The following SAMD3 variants were observed in gnomAD, a reference collection of about 807,000 sequenced individuals.
SAMD3 encodes sterile alpha motif domain containing 3.
SAMD3 carries 63 observed loss-of-function variants against 58.5 expected under a neutral mutation model. The observed-to-expected ratio is 1.08, with a 90% CI of 0.88 to 1.33. The LOEUF (loss-of-function observed/expected upper bound fraction) is 1.33, where lower values mean the gene tolerates loss of function less well. SAMD3 is among the 40% of genes most tolerant of loss of function. The pLI, the probability that SAMD3 is intolerant of heterozygous loss-of-function variation, is 0.00. For synonymous variants in SAMD3, 220 were observed against 210.3 expected, an observed-to-expected ratio of 1.05 and a Z score of -0.40; for missense variants, 604 against 608.4, an observed-to-expected ratio of 0.99 and a Z score of 0.08.
intron 5 of SAMD3, among the ~76,000 whole-genome samples, chr6:130,185,707 T>C (rs911263383): frequency 6.6e-6 from 1 of 150,952 alleles, no homozygotes; most frequent in African/African-American, 2.4e-5. Context: ...CACAGCTCAC[T>C]GCAGCCTTGA....
intron 5 of SAMD3, among the ~76,000 whole-genome samples, chr6:130,197,317 TGC>T (rs762204625): frequency 6.6e-6 from 1 of 152,238 alleles, no homozygotes; most frequent in African/African-American, 2.4e-5. Flanking sequence ...TACTCATACA[TGC>T]CCTGCTCTTG....
intron 1 of SAMD3, among the ~76,000 whole-genome samples, chr6:130,219,996 A>C (rs973763707): frequency 7.2e-5 from 11 of 152,098 alleles, no homozygotes; most frequent in African/African-American, 2.7e-4. Flanking sequence ...ATATGTTTAC[A>C]TTTTTTTCTT....
chr6:130,324,349 C>T (rs1776685187), intron 1 of SAMD3, among the ~76,000 whole-genome samples: 1 of 152,128 alleles, frequency 6.6e-6, no homozygotes, highest in Non-Finnish European at 1.5e-5. Context: ...TGGCAAAAGC[C>T]ATACATATGA....
chr6:130,357,118 C>CTTTTTTTTTTTTTTTTTTTTTTTTTTTT (rs1169066063), intron 1 of SAMD3, among the ~76,000 whole-genome samples: 1 of 91,712 alleles, frequency 1.1e-5, no homozygotes, highest in African/African-American at 4.5e-5. Flanking sequence ...GCCATGGCAT[C>CTTTTTTTTTTTTTTTTTTTTTTTTTTTT]TTTTTTTTTT....
chr6:130,265,698 T>C (rs987539218), intron 2 of SAMD3, among the ~76,000 whole-genome samples: 2 of 152,114 alleles, frequency 1.3e-5, no homozygotes, highest in Non-Finnish European at 1.5e-5. Context: ...GACCACAGTT[T>C]TTAAAATAAG....
intron 2 of SAMD3, among the ~76,000 whole-genome samples, chr6:130,288,622 A>G (rs1172800464): frequency 6.6e-6 from 1 of 152,204 alleles, no homozygotes; most frequent in Non-Finnish European, 1.5e-5. Flanking sequence ...CCACCAATGT[A>G]AAAGGAGAAA....
intron 6 of SAMD3, 97 bp from the exon 7 acceptor site, chr6:130,184,284 T>C: frequency 8.2e-7 from 1 of 1,217,928 alleles, no homozygotes; most frequent in Non-Finnish European, 1.2e-6. Flanking sequence ...TTCACATTTT[T>C]CTATATAACA....
At chr6:130,340,260 C>T (rs1777228577) in intron 1 of SAMD3, among the ~76,000 whole-genome samples, 2 of 152,188 alleles carry the variant, frequency 1.3e-5, no homozygotes, top group South Asian at 2.1e-4. Flanking sequence ...ATCCACAGGG[C>T]TAGTTCCTTC....
At chr6:130,220,094 C>G (rs57603676) in intron 1 of SAMD3, among the ~76,000 whole-genome samples, 1 of 152,144 alleles carries the variant, frequency 6.6e-6, no homozygotes, top group Non-Finnish European at 1.5e-5. Context: ...CTCCACCTCC[C>G]GGATTCAAGC....
intron 8 of SAMD3, among the ~76,000 whole-genome samples, chr6:130,158,150 A>G (rs972469251): frequency 2.2e-4 from 34 of 152,230 alleles, no homozygotes; most frequent in Non-Finnish European, 2.9e-5. Flanking sequence ...TGCTGATTCA[A>G]TATTTCTGTC....
At chr6:130,307,791 G>A (rs561916951) in intron 2 of SAMD3, among the ~76,000 whole-genome samples, 99 of 152,304 alleles carry the variant, frequency 6.5e-4, no homozygotes, top group African/African-American at 2.4e-3. Context: ...TATAATCAAT[G>A]TTTTTGTATA....
Position 130,180,104 on chromosome 6 carries a change from C to T in SAMD3, c.654+3999G>A, listed in dbSNP as rs138976370. Among the ~76,000 whole-genome samples, 423 of 151,488 alleles carry T rather than the reference C, an allele frequency of 2.8e-3. 7 individuals are homozygous for T. Among genetic ancestry groups the T allele is most frequent in the African/African-American group, 9.7e-3 (400 of 41,268 alleles). On this transcript the variant is annotated intron_variant, in intron 7 of 11. Transcript: ENST00000439090. ...TGCTAGGATTACAGGCGTGAACCACCGTACACGACCTTTTTTTTTATTATT... is the reference window on the plus strand; with the variant it reads ...TGCTAGGATTACAGGCGTGAACCACTGTACACGACCTTTTTTTTTATTATT...
chr6:130,157,991 G>T (rs1193145265), intron 8 of SAMD3, among the ~76,000 whole-genome samples: 1 of 150,906 alleles, frequency 6.6e-6, no homozygotes, highest in African/African-American at 2.4e-5. Flanking sequence ...AAGATACCTA[G>T]GAATAAAACT....
chr6:130,243,146 A>AC (rs1773423873), intron 2 of SAMD3, among the ~76,000 whole-genome samples: 1 of 152,194 alleles, frequency 6.6e-6, no homozygotes, highest in Non-Finnish European at 1.5e-5. Context: ...ACATGACCCA[A>AC]CGGGGACAAG....
intron 4 of SAMD3, among the ~76,000 whole-genome samples, chr6:130,210,750 C>T (rs981243255): frequency 6.6e-6 from 1 of 152,236 alleles, no homozygotes; most frequent in East Asian, 1.9e-4. Context: ...GAACATGCCT[C>T]ATTATACCCT....
chr6:130,269,155 T>G (rs140684735), intron 2 of SAMD3, among the ~76,000 whole-genome samples: 27 of 152,254 alleles, frequency 1.8e-4, no homozygotes, highest in Admixed American at 5.9e-4. Flanking sequence ...TAGGTTGAGG[T>G]TCTTTTATTT....
chr6:130,340,696 C>A (rs1777242304), intron 1 of SAMD3, among the ~76,000 whole-genome samples: 1 of 152,088 alleles, frequency 6.6e-6, no homozygotes, highest in South Asian at 2.1e-4. Context: ...ACAAAAATTC[C>A]TTGGAAACTC....
intron 1 of SAMD3, among the ~76,000 whole-genome samples, chr6:130,343,051 T>C (rs918646484): frequency 2.6e-5 from 4 of 152,016 alleles, no homozygotes; most frequent in Non-Finnish European, 4.4e-5. Flanking sequence ...TAATCACTTC[T>C]AGAATTACTG....
At chr6:130,314,686 G>A (rs998010143) in intron 1 of SAMD3, among the ~76,000 whole-genome samples, 2 of 152,124 alleles carry the variant, frequency 1.3e-5, no homozygotes, top group Admixed American at 6.5e-5. Flanking sequence ...AATGATAGGT[G>A]GAAATTCTTC....
Sources: allele counts gnomAD v4.1 joint callset (sites outside exome capture counted in the v4.1 genomes callset), GRCh38; gene constraint gnomAD v4.1.1; transcripts MANE v1.5; gene names NCBI Gene and HGNC (gene_info 2026-07-23, HGNC 2026-07-21).